The following LAMC1 variants were observed in gnomAD, a reference collection of about 807,000 sequenced individuals.
LAMC1 encodes laminin subunit gamma-1.
LAMC1 carries 38 observed loss-of-function variants against 173.6 expected under a neutral mutation model. The observed-to-expected ratio is 0.22, with a 90% confidence interval of 0.17 to 0.29. LAMC1 has a LOEUF of 0.29. Among genes scored for constraint, LAMC1 ranks in the 10% least tolerant of loss-of-function variants. The pLI is 1.00. For synonymous variants in LAMC1, 746 were observed against 749.1 expected (o/e 1.00, Z 0.07); for missense variants, 1,824 against 2,051.8 (o/e 0.89, Z 2.14).
At chr1:183,118,530 C>T (rs564506433) in intron 11 of LAMC1, among the ~76,000 whole-genome samples, 34 of 152,174 alleles carry the variant, frequency 2.2e-4, no homozygotes, top group African/African-American at 7.5e-4. Context: ...TGAGACCAGC[C>T]TGGCCAACAT....
chr1:183,037,288 A>G (rs1654008319), intron 1 of LAMC1, among the ~76,000 whole-genome samples: 1 of 152,208 alleles, frequency 6.6e-6, no homozygotes, highest in East Asian at 1.9e-4. Context: ...GAATGCCACC[A>G]TCTTATCTCC....
chr1:183,050,891 C>CAAAAAAAAA (rs779377179), intron 1 of LAMC1, among the ~76,000 whole-genome samples: 1 of 54,732 alleles, frequency 1.8e-5, no homozygotes, highest in Non-Finnish European at 3.8e-5. Flanking sequence ...AACTCCATCT[C>CAAAAAAAAA]AAAAAAAAAA....
intron 1 of LAMC1, among the ~76,000 whole-genome samples, chr1:183,055,369 T>C (rs1396388904): frequency 1.3e-5 from 2 of 152,066 alleles, no homozygotes; most frequent in African/African-American, 4.8e-5. Context: ...AGGGATTGAC[T>C]CAGCTATGAA....
intron 1 of LAMC1, among the ~76,000 whole-genome samples, chr1:183,057,489 C>A (rs1246602610): frequency 6.6e-6 from 1 of 152,148 alleles, no homozygotes; most frequent in African/African-American, 2.4e-5. Context: ...GGCCGGGTGC[C>A]GTGGCTTACG....
chr1:183,027,155 C>A (rs1403371228), intron 1 of LAMC1, among the ~76,000 whole-genome samples: 1 of 152,130 alleles, frequency 6.6e-6, no homozygotes, highest in South Asian at 2.1e-4. Flanking sequence ...CTGAAAACAG[C>A]GCTCTCTTAA....
intron 1 of LAMC1, among the ~76,000 whole-genome samples, chr1:183,028,604 C>T (rs534942633): frequency 6.6e-6 from 1 of 152,204 alleles, no homozygotes; most frequent in Non-Finnish European, 1.5e-5. Context: ...TGATTGCATT[C>T]GTTCTTGCAG....
chr1:183,139,633 C>CT (rs1463053128), intron 26 of LAMC1, among the ~76,000 whole-genome samples: 3 of 152,130 alleles, frequency 2.0e-5, no homozygotes, highest in Non-Finnish European at 4.4e-5. Context: ...TTACTCAAAA[C>CT]TAGGAAAAAC....
intron 24 of LAMC1, 144 bp from the exon 25 acceptor site, chr1:183,136,242 T>A: frequency 6.1e-6 from 4 of 650,876 alleles, no homozygotes; most frequent in Non-Finnish European, 1.1e-5. Flanking sequence ...GATGTGTAAT[T>A]TCTAAAATTT....
In LAMC1 at chr1:183,130,422, T is replaced by C; in HGVS notation, c.3359T>C (p.Ile1120Thr). The C allele has an allele frequency of 6.2e-7, 1 of 1,614,190 alleles. No individual in the cohort carries two copies. ...AGCCAAATTAGCCGTTTACAGAATATCCGGAATACCATTGAAGAGACTGGA... is the reference window on the plus strand; with the variant it reads ...AGCCAAATTAGCCGTTTACAGAATACCCGGAATACCATTGAAGAGACTGGA... ...LSSQISRLQN[I>T]RNTIEETGNL... The change falls in exon 19 of 28, where the codon ATC (isoleucine) becomes ACC (threonine). Residue 1120 changes from isoleucine to threonine, a missense_variant. Transcript: ENST00000258341.
At chr1:183,124,538 A>G (rs1656568414) in intron 13 of LAMC1, 93 bp from the exon 14 acceptor site, 1 of 1,453,000 alleles carries the variant, frequency 6.9e-7, no homozygotes, top group African/African-American at 1.4e-5. Flanking sequence ...CTCTCATGTG[A>G]TGATTACACT....
chr1:183,035,730 T>C (rs996740764), intron 1 of LAMC1, among the ~76,000 whole-genome samples: 17 of 152,160 alleles, frequency 1.1e-4, no homozygotes, highest in Non-Finnish European at 2.4e-4. Context: ...TCACATAACA[T>C]GGCTGTTTTT....
intron 1 of LAMC1, among the ~76,000 whole-genome samples, chr1:183,066,375 A>G (rs895965773): frequency 6.6e-6 from 1 of 152,216 alleles, no homozygotes; most frequent in Admixed American, 6.5e-5. Context: ...AATTAGTTCA[A>G]CCATTGTGGA....
chr1:183,044,249 G>A (rs1654209566), intron 1 of LAMC1, among the ~76,000 whole-genome samples: 3 of 151,814 alleles, frequency 2.0e-5, no homozygotes, highest in African/African-American at 4.8e-5. Context: ...ACATCATGTT[G>A]TCCTCTGGGC....
intron 1 of LAMC1, among the ~76,000 whole-genome samples, chr1:183,033,053 A>G (rs995854459): frequency 3.9e-5 from 6 of 152,196 alleles, no homozygotes; most frequent in Non-Finnish European, 5.9e-5. Context: ...ACTTTCAGCC[A>G]ATTGTAGTAC....
At chr1:183,140,261 A>AAAAAAAAAAAAAAAAC (rs1657073104) in intron 26 of LAMC1, 143 bp from the exon 27 acceptor site, 2 of 448,324 alleles carry the variant, frequency 4.5e-6, no homozygotes, top group Non-Finnish European at 3.9e-6. Context: ...AAAAAAAAAA[A>AAAAAAAAAAAAAAAAC]AAAAGCAATG....
chr1:183,127,086 A>T, intron 16 of LAMC1, 140 bp from the exon 17 acceptor site: 1 of 672,592 alleles, frequency 1.5e-6, no homozygotes, highest in Non-Finnish European at 2.4e-6. Flanking sequence ...GCCATTTAAG[A>T]TCTCATAAAT....
intron 1 of LAMC1, among the ~76,000 whole-genome samples, chr1:183,058,850 A>G (rs1654667873): frequency 6.6e-6 from 1 of 152,340 alleles, no homozygotes; most frequent in Middle Eastern, 3.4e-3. Flanking sequence ...ACCAACAAAA[A>G]GCTACCTACA....
intron 1 of LAMC1, among the ~76,000 whole-genome samples, chr1:183,082,245 C>G (rs1391319659): frequency 6.6e-6 from 1 of 152,116 alleles, no homozygotes; most frequent in East Asian, 1.9e-4. Flanking sequence ...CTCAGTTGAG[C>G]AAATTCAAGG....
At chr1:183,054,432 C>G (rs1477352604) in intron 1 of LAMC1, among the ~76,000 whole-genome samples, 1 of 152,152 alleles carries the variant, frequency 6.6e-6, no homozygotes, top group African/African-American at 2.4e-5. Context: ...TGGCTGTAAC[C>G]TTAACTTCTG....
Sources: gnomAD v4.1 joint callset for allele counts (sites outside exome capture counted in the v4.1 genomes callset) on GRCh38, gnomAD v4.1.1 for gene constraint, MANE v1.5 for transcripts, NCBI Gene and HGNC (gene_info 2026-07-23, HGNC 2026-07-21) for gene names.